IL19: variants seen among roughly 807,000 people sequenced by gnomAD.
IL19 encodes interleukin 19.
IL19 carries 15 observed loss-of-function variants against 19.5 expected under a neutral mutation model. The ratio of observed to expected loss-of-function variants is 0.77; its 90% CI spans 0.52 to 1.19. The LOEUF (loss-of-function observed/expected upper bound fraction) is 1.19. Ranked by LOEUF, IL19 falls within the 50% of genes most tolerant of loss-of-function variation. The probability of loss-of-function intolerance (pLI) is 0.00; values close to 1 mark genes in which losing one functional copy is unlikely to be tolerated. For missense variants in IL19, 199 were observed against 213.1 expected (o/e 0.93, Z 0.41); for synonymous variants, 78 against 78.3 (o/e 1.00, Z 0.02).
intron 1 of IL19, among the ~76,000 whole-genome samples, chr1:206,790,158 T>A (rs1675361592): frequency 6.6e-6 from 1 of 152,222 alleles, no homozygotes; most frequent in African/African-American, 2.4e-5. Context: ...CTACCAGCAG[T>A]GTATAAGCGT....
intron 2 of IL19, among the ~76,000 whole-genome samples, chr1:206,818,817 C>CTTTT (rs11373916): frequency 7.2e-6 from 1 of 138,646 alleles, no homozygotes; most frequent in Admixed American, 7.4e-5. Flanking sequence ...CTTTTTCTTT[C>CTTTT]TTTTTTTTTT....
rs1386697915 is a variant in IL19 at position 206,798,911 on chromosome 1, C to A, written c.-98C>A. 6.2e-7 allele frequency: 1 copy of A among 1,612,296 alleles called. No homozygotes were observed. The highest frequency in any genetic ancestry group is 8.5e-7 in the Non-Finnish European group (1 of 1,179,432). ...AGTCCAAGAATGTGCACTGAGGGAGCGTTTCCGCACAGATCTGCGTGTTCC... is the reference window on the plus strand; with the variant it reads ...AGTCCAAGAATGTGCACTGAGGGAGAGTTTCCGCACAGATCTGCGTGTTCC... On this transcript the variant is annotated 5_prime_UTR_variant, in exon 2 of 7. Transcript: ENST00000659997.
At chr1:206,840,192 G>T in intron 5 of IL19, 190 bp downstream of exon 5, 1 of 725,358 alleles carries the variant, frequency 1.4e-6, no homozygotes, top group Non-Finnish European at 2.5e-6. Flanking sequence ...CCTGCCTGCT[G>T]ACAACTCCTC....
At chr1:206,802,044 G>A (rs144775220) in intron 2 of IL19, among the ~76,000 whole-genome samples, 22 of 152,324 alleles carry the variant, frequency 1.4e-4, no homozygotes, top group African/African-American at 4.6e-4. Flanking sequence ...AGGAGGGGAA[G>A]GGGAGGCTGC....
At chr1:206,795,026 C>CCCA (rs1289682943) in intron 1 of IL19, among the ~76,000 whole-genome samples, 1 of 152,224 alleles carries the variant, frequency 6.6e-6, no homozygotes, top group Admixed American at 6.5e-5. Context: ...TTCCCCATGC[C>CCCA]AGCTAAAGCA....
intron 1 of IL19, among the ~76,000 whole-genome samples, chr1:206,794,511 T>A (rs1235206816): frequency 6.6e-6 from 1 of 152,152 alleles, no homozygotes; most frequent in Non-Finnish European, 1.5e-5. Context: ...TGAGCTCTTA[T>A]ACTATGGTTG....
intron 1 of IL19, among the ~76,000 whole-genome samples, chr1:206,782,065 G>A (rs6669291): frequency 0.45 from 28,657 of 63,678 alleles, 6,859 homozygotes; most frequent in Admixed American, 0.56. Flanking sequence ...ATACATATAT[G>A]TGTAAACATT....
At position 206,798,950 on chromosome 1, in the gene IL19, A is replaced by G; in HGVS notation, c.-59A>G. ...TCTGCGTGTTCCTTACCACTCACACATGTGCACACACATATCCATGTGTGT... is the reference window on the plus strand; with the variant it reads ...TCTGCGTGTTCCTTACCACTCACACGTGTGCACACACATATCCATGTGTGT... On this transcript the variant is annotated 5_prime_UTR_variant, in exon 2 of 7. The change abolishes an upstream ATG in the 5' untranslated region. Transcript: ENST00000659997. The G allele has an allele frequency of 6.2e-7, 1 of 1,614,022 alleles. No homozygotes were observed. Among genetic ancestry groups the G allele is most frequent in the Non-Finnish European group, 8.5e-7 (1 of 1,180,004 alleles).
intron 1 of IL19, among the ~76,000 whole-genome samples, chr1:206,792,495 C>T (rs181788861): frequency 1.1e-3 from 166 of 152,082 alleles, no homozygotes; most frequent in African/African-American, 1.6e-3. Flanking sequence ...CTTGCTCTGT[C>T]GCACATGCTG....
At chr1:206,839,331 G>C (rs1460535051) in intron 4 of IL19, among the ~76,000 whole-genome samples, 2 of 152,178 alleles carry the variant, frequency 1.3e-5, no homozygotes, top group Non-Finnish European at 2.9e-5. Context: ...GAGTAAGGTG[G>C]CCAGAATGAA....
Position 206,836,472 on chromosome 1 carries a change from T to C in IL19, c.-2-189T>C, listed in dbSNP as rs913229987. ...GGGTGAGGGTGGGGAAGAACTCATA[T>C]CCAGTTGACTCAAGAAAACCAGAGG... is the stretch of plus-strand genomic sequence containing the variant. On this transcript the variant is annotated intron_variant, in intron 2 of 6. Coordinates refer to ENST00000659997, the MANE Select transcript of IL19 (RefSeq NM_153758.5). 3.3e-5 allele frequency among the ~76,000 whole-genome samples: 5 copies of C among 152,248 alleles called. No individual in the cohort carries two copies. The East Asian group carries it at 7.7e-4, about 23-fold the overall frequency.
At chr1:206,835,321 C>T (rs1275014553) in intron 2 of IL19, among the ~76,000 whole-genome samples, 1 of 152,170 alleles carries the variant, frequency 6.6e-6, no homozygotes, top group Non-Finnish European at 1.5e-5. Flanking sequence ...CTTGTTTAGC[C>T]AGAAAGAGAG....
chr1:206,821,436 G>C (rs1430936088), intron 2 of IL19, among the ~76,000 whole-genome samples: 1 of 152,230 alleles, frequency 6.6e-6, no homozygotes, highest in African/African-American at 2.4e-5. Flanking sequence ...GCGGCTTTCA[G>C]GTGTAGAGCT....
At chr1:206,787,334 T>C (rs1405483379) in intron 1 of IL19, among the ~76,000 whole-genome samples, 1 of 152,172 alleles carries the variant, frequency 6.6e-6, no homozygotes, top group African/African-American at 2.4e-5. Context: ...TTGTGTACCC[T>C]GCCTTAGAGT....
intron 1 of IL19, among the ~76,000 whole-genome samples, chr1:206,778,599 C>T (rs1036943563): frequency 6.6e-6 from 1 of 152,150 alleles, no homozygotes; most frequent in African/African-American, 2.4e-5. Context: ...AAAAAGTCCT[C>T]CCCTTACTCT....
chr1:206,827,124 T>G (rs892444317), intron 2 of IL19, among the ~76,000 whole-genome samples: 1 of 152,186 alleles, frequency 6.6e-6, no homozygotes, highest in African/African-American at 2.4e-5. Context: ...TGGGGTAAGC[T>G]GATGGAAACA....
intron 2 of IL19, among the ~76,000 whole-genome samples, chr1:206,805,525 C>A (rs1224732218): frequency 6.6e-6 from 1 of 152,194 alleles, no homozygotes; most frequent in Non-Finnish European, 1.5e-5. Context: ...TTTTATCAGG[C>A]TGGAAAACAC....
At chr1:206,806,715 T>C (rs1422365895) in intron 2 of IL19, among the ~76,000 whole-genome samples, 1 of 152,300 alleles carries the variant, frequency 6.6e-6, no homozygotes, top group East Asian at 1.9e-4. Context: ...TATATTACGA[T>C]TTGGTCCCCT....
chr1:206,809,377 A>C (rs893057283), intron 2 of IL19, among the ~76,000 whole-genome samples: 1 of 152,156 alleles, frequency 6.6e-6, no homozygotes, highest in Non-Finnish European at 1.5e-5. Flanking sequence ...GTGGGCATGA[A>C]CTTCAGAAGA....
Sources: allele counts gnomAD v4.1 joint callset (sites outside exome capture counted in the v4.1 genomes callset), GRCh38; gene constraint gnomAD v4.1.1; transcripts MANE v1.5; gene names NCBI Gene and HGNC (gene_info 2026-07-23, HGNC 2026-07-21).